CDH4: variants seen among roughly 807,000 people sequenced by gnomAD.
The protein encoded by CDH4 is cadherin 4.
CDH4 carries 33 observed loss-of-function variants against 86.0 expected under a neutral mutation model. The ratio of observed to expected loss-of-function variants is 0.38; its 90% CI spans 0.29 to 0.51. The LOEUF is 0.51. CDH4 is among the 20% of genes least tolerant of loss of function. The pLI, the probability that CDH4 is intolerant of heterozygous loss-of-function variation, is 0.86. For missense variants in CDH4, 1,114 were observed against 1,307.4 expected (o/e 0.85, Z 2.28); for synonymous variants, 555 against 549.4 (o/e 1.01, Z -0.14).
chr20:61,608,505 G>C (rs541149553), intron 2 of CDH4, among the ~76,000 whole-genome samples: 10 of 152,206 alleles, frequency 6.6e-5, no homozygotes, highest in African/African-American at 2.2e-4. Context: ...GGTCTCATGC[G>C]TGGTGATGGA....
chr20:61,523,856 CA>C (rs1568876720), intron 2 of CDH4, among the ~76,000 whole-genome samples: 1 of 152,070 alleles, frequency 6.6e-6, no homozygotes, highest in African/African-American at 2.4e-5. Flanking sequence ...TTTTCTTTAC[CA>C]AAAAAGTCAA....
intron 2 of CDH4, among the ~76,000 whole-genome samples, chr20:61,705,964 T>C (rs916823598): frequency 2.0e-5 from 3 of 152,338 alleles, no homozygotes; most frequent in African/African-American, 7.2e-5. Flanking sequence ...CGCTTCCTTC[T>C]CTTAAAGGCG....
At chr20:61,936,398 CCCCCTCCCCCCTCTCCCACA>C (rs2055188708) in intron 15 of CDH4, among the ~76,000 whole-genome samples, 1 of 8,498 alleles carries the variant, frequency 1.2e-4, no homozygotes. Flanking sequence ...CTCCCCCACA[CCCCCTCCCCCCTCTCCCACA>C]CCCCCCCCCC....
intron 2 of CDH4, among the ~76,000 whole-genome samples, chr20:61,301,046 A>ACTCTTACCT (rs2084383577): frequency 6.6e-6 from 1 of 151,900 alleles, no homozygotes; most frequent in African/African-American, 2.4e-5. Flanking sequence ...AAAGCTCACG[A>ACTCTTACCT]CTCTTACCTC....
chr20:61,843,311 G>A (rs983867866), intron 4 of CDH4, among the ~76,000 whole-genome samples: 20 of 151,588 alleles, frequency 1.3e-4, no homozygotes, highest in Admixed American at 9.2e-4. Context: ...TTAGCCGGGC[G>A]CGGTGGCGGG....
At chr20:61,763,017 C>T (rs2145972336) in intron 3 of CDH4, among the ~76,000 whole-genome samples, 1 of 152,352 alleles carries the variant, frequency 6.6e-6, no homozygotes, top group Middle Eastern at 3.4e-3. Context: ...ATTTTCTCAA[C>T]ACTGTGGGGC....
At chr20:61,567,443 G>A (rs1338483225) in intron 2 of CDH4, among the ~76,000 whole-genome samples, 1 of 152,164 alleles carries the variant, frequency 6.6e-6, no homozygotes, top group African/African-American at 2.4e-5. Flanking sequence ...GTCCTGGCAT[G>A]GCAAGGGGAG....
chr20:61,906,698 G>C (rs1477432000), intron 8 of CDH4, among the ~76,000 whole-genome samples: 10 of 152,114 alleles, frequency 6.6e-5, no homozygotes, highest in Admixed American at 6.5e-4. Context: ...GTCCCCAGCA[G>C]AGGGAATGGC....
intron 2 of CDH4, among the ~76,000 whole-genome samples, chr20:61,677,118 G>A (rs902217322): frequency 2.0e-5 from 3 of 152,180 alleles, no homozygotes; most frequent in African/African-American, 7.2e-5. Flanking sequence ...GAGCCTTGGA[G>A]TTGAGGACCC....
intron 2 of CDH4, among the ~76,000 whole-genome samples, chr20:61,405,016 C>A (rs777749019): frequency 1.1e-4 from 16 of 152,200 alleles, no homozygotes; most frequent in Non-Finnish European, 1.9e-4. Flanking sequence ...CGCCCCCGCA[C>A]TCCAGCCTGA....
At chr20:61,540,677 C>A (rs1160902960) in intron 2 of CDH4, among the ~76,000 whole-genome samples, 1 of 152,098 alleles carries the variant, frequency 6.6e-6, no homozygotes, top group Non-Finnish European at 1.5e-5. Flanking sequence ...ATGTCACTTT[C>A]AACAGATTTT....
intron 8 of CDH4, among the ~76,000 whole-genome samples, chr20:61,909,409 G>A (rs2054825850): frequency 6.6e-6 from 1 of 152,242 alleles, no homozygotes; most frequent in Non-Finnish European, 1.5e-5. Flanking sequence ...CAACTCATCT[G>A]TGACGCCAGA....
chr20:61,823,677 A>T (rs1981172506), intron 4 of CDH4, among the ~76,000 whole-genome samples: 1 of 152,212 alleles, frequency 6.6e-6, no homozygotes, highest in African/African-American at 2.4e-5. Flanking sequence ...GATTGTTGAC[A>T]TGGTATCTTC....
Position 61,417,147 on chromosome 20 carries a change from T to C in CDH4, c.169+162210T>C, listed in dbSNP as rs2085151530. Among the ~76,000 whole-genome samples, 1 of 152,176 alleles carries C rather than the reference T, an allele frequency of 6.6e-6. No individual in the cohort carries two copies. The highest frequency in any genetic ancestry group is 2.1e-4 in the South Asian group (1 of 4,824). On this transcript the variant is annotated intron_variant, in intron 2 of 15. Coordinates refer to ENST00000614565, the MANE Select transcript of CDH4 (RefSeq NM_001794.5). This position sits in a 1 kb window ranked among gnomAD's most constrained non-coding sequence, Gnocchi z 4.0. ...GGGATAAAACCCAGATTCTGTGGCCTATTTCCTTCTTCTTCAGAAAAGGAC... is the reference window on the plus strand; with the variant it reads ...GGGATAAAACCCAGATTCTGTGGCCCATTTCCTTCTTCTTCAGAAAAGGAC...
intron 2 of CDH4, among the ~76,000 whole-genome samples, chr20:61,347,145 G>A (rs1399461908): frequency 6.6e-6 from 1 of 152,176 alleles, no homozygotes; most frequent in Non-Finnish European, 1.5e-5. Flanking sequence ...CATGGACTGC[G>A]GTTCTCAGAA....
rs1050640872 is a variant in CDH4 at position 61,855,431 on chromosome 20, G to A, written c.877+2533G>A. 4.6e-5 allele frequency among the ~76,000 whole-genome samples: 7 copies of A among 152,288 alleles called. 1 individual carries two copies. Among genetic ancestry groups the A allele is most frequent in the African/African-American group, 1.7e-4 (7 of 41,538 alleles). ...GCAGGGGGTGAGCAGATTAGCTCCA[G>A]GCAGCCAAAGAAAACGGATGAGGAC... On this transcript the variant is annotated intron_variant, in intron 6 of 15. Transcript: ENST00000614565.
chr20:61,362,790 A>G (rs2084791273), intron 2 of CDH4, among the ~76,000 whole-genome samples: 1 of 152,086 alleles, frequency 6.6e-6, no homozygotes, highest in African/African-American at 2.4e-5. Context: ...AGGTGGCGAG[A>G]GGATCATGCG....
intron 2 of CDH4, among the ~76,000 whole-genome samples, chr20:61,435,285 G>T (rs891207644): frequency 2.0e-5 from 3 of 152,216 alleles, no homozygotes; most frequent in Non-Finnish European, 4.4e-5. Context: ...GAAAACAGAG[G>T]CTCCCAGGGG....
At position 61,913,621 on chromosome 20, in the gene CDH4, G is replaced by A. The variant is rs181948573; in HGVS notation, c.1374+3014G>A. ...AGGGTCCCAGGAGGGCCTGGGCACC[G>A]CCACCCCGGGAACTGATTCCTGAGA... On this transcript the variant is annotated intron_variant, in intron 9 of 15. Coordinates refer to ENST00000614565, the MANE Select transcript of CDH4 (RefSeq NM_001794.5). Among the ~76,000 whole-genome samples the A allele has an allele frequency of 3.0e-3, 457 of 152,320 alleles. 2 individuals are homozygous for A. The highest frequency in any genetic ancestry group is 4.9e-3 in the Non-Finnish European group (336 of 68,012).
Sources: gnomAD v4.1 joint callset for allele counts (sites outside exome capture counted in the v4.1 genomes callset) on GRCh38, gnomAD v4.1.1 for gene constraint, Gnocchi (gnomAD v3.1) non-coding constraint, MANE v1.5 for transcripts, NCBI Gene and HGNC (gene_info 2026-07-23, HGNC 2026-07-21) for gene names.